Variants in PTPRD observed in about 807,000 individuals in gnomAD.
The protein encoded by PTPRD is protein tyrosine phosphatase receptor type D.
In PTPRD, 34 loss-of-function variants were observed where a neutral mutation model predicts 214.5. The ratio of observed to expected loss-of-function variants is 0.16; its 90% CI spans 0.12 to 0.21. PTPRD has a LOEUF of 0.21. Among genes scored for constraint, PTPRD ranks in the 10% least tolerant of loss-of-function variants. PTPRD has a pLI of 1.00. For synonymous variants in PTPRD, 1,128 were observed against 845.7 expected (o/e 1.33, Z -5.79); for missense variants, 2,545 against 2,398.7 (o/e 1.06, Z -1.27).
intron 8 of PTPRD, among the ~76,000 whole-genome samples, chr9:9,422,235 G>C (rs1018088632): frequency 6.6e-6 from 1 of 152,132 alleles, no homozygotes; most frequent in Admixed American, 6.6e-5. Context: ...AGGGCACAAA[G>C]AGGTTAAGTA....
At chr9:9,775,522 T>G (rs527346883) in intron 5 of PTPRD, among the ~76,000 whole-genome samples, 12 of 152,206 alleles carry the variant, frequency 7.9e-5, no homozygotes, top group Non-Finnish European at 1.5e-4. Flanking sequence ...AACTTTCTTC[T>G]GGAGAGAAGA....
intron 11 of PTPRD, among the ~76,000 whole-genome samples, chr9:8,927,217 T>C (rs938638162): frequency 1.3e-4 from 20 of 152,218 alleles, no homozygotes; most frequent in East Asian, 1.2e-3. Context: ...GTTTTTCTCA[T>C]ATTTATTTAT....
At chr9:8,622,460 A>G (rs2095852787) in intron 14 of PTPRD, among the ~76,000 whole-genome samples, 1 of 151,984 alleles carries the variant, frequency 6.6e-6, no homozygotes, top group Admixed American at 6.6e-5. Flanking sequence ...TGTAAGCTGA[A>G]TTACTGTGAG....
chr9:8,850,863 T>C (rs1485792221), intron 11 of PTPRD, among the ~76,000 whole-genome samples: 2 of 152,210 alleles, frequency 1.3e-5, no homozygotes, highest in Non-Finnish European at 2.9e-5. Flanking sequence ...ATACTCAAAA[T>C]GTCCCTTTAG....
chr9:10,172,841 T>C (rs2099218925), intron 3 of PTPRD, among the ~76,000 whole-genome samples: 1 of 152,182 alleles, frequency 6.6e-6, no homozygotes, highest in Non-Finnish European at 1.5e-5. Flanking sequence ...AACTGAAATG[T>C]ATATGGAATC....
At chr9:10,422,636 T>C (rs1321495914) in intron 2 of PTPRD, among the ~76,000 whole-genome samples, 1 of 151,966 alleles carries the variant, frequency 6.6e-6, no homozygotes, top group Non-Finnish European at 1.5e-5. Flanking sequence ...CATCAAAGAA[T>C]GGGCAAAGGA....
chr9:10,020,285 A>G (rs2096822957), intron 4 of PTPRD, among the ~76,000 whole-genome samples: 1 of 152,156 alleles, frequency 6.6e-6, no homozygotes, highest in Admixed American at 6.5e-5. Flanking sequence ...GTGTATATCA[A>G]TACAATATTA....
intron 3 of PTPRD, among the ~76,000 whole-genome samples, chr9:10,077,456 C>T (rs1183392866): frequency 6.6e-6 from 1 of 152,136 alleles, no homozygotes; most frequent in Non-Finnish European, 1.5e-5. Flanking sequence ...GATTAGGGCT[C>T]AGAATCTGTA....
chr9:9,311,601 A>G (rs1213772844), intron 9 of PTPRD, among the ~76,000 whole-genome samples: 1 of 152,180 alleles, frequency 6.6e-6, no homozygotes, highest in African/African-American at 2.4e-5. Flanking sequence ...ATTTAGAAGG[A>G]TGCTTTCTTG....
chr9:10,180,096 ATC>A (rs1177449307), intron 3 of PTPRD, among the ~76,000 whole-genome samples: 3 of 152,124 alleles, frequency 2.0e-5, no homozygotes, highest in Non-Finnish European at 2.9e-5. Flanking sequence ...TTAACCTTAC[ATC>A]ATCTATAATA....
chr9:10,167,021 C>T (rs1022697142), intron 3 of PTPRD, among the ~76,000 whole-genome samples: 7 of 151,988 alleles, frequency 4.6e-5, no homozygotes, highest in Admixed American at 4.6e-4. Context: ...TATTCACTTT[C>T]AGAATTGTTA....
intron 5 of PTPRD, among the ~76,000 whole-genome samples, chr9:9,779,939 A>G (rs546306630): frequency 6.6e-6 from 1 of 152,320 alleles, no homozygotes; most frequent in African/African-American, 2.4e-5. Context: ...TCATTATGCC[A>G]AAAAGACACA....
chr9:9,579,618 T>C (rs1436289592), intron 7 of PTPRD, among the ~76,000 whole-genome samples: 1 of 152,004 alleles, frequency 6.6e-6, no homozygotes, highest in Non-Finnish European at 1.5e-5. Context: ...CCCTAGTAAG[T>C]GTTGTTCCCC....
At chr9:9,325,522 T>C (rs973195873) in intron 9 of PTPRD, among the ~76,000 whole-genome samples, 1 of 152,150 alleles carries the variant, frequency 6.6e-6, no homozygotes, top group East Asian at 1.9e-4. Context: ...GGAATGCTTG[T>C]TATTTTTGCA....
intron 9 of PTPRD, among the ~76,000 whole-genome samples, chr9:9,352,355 ATATATGTGTGTGTGTG>A (rs1430407243): frequency 5.9e-4 from 64 of 107,712 alleles, no homozygotes; most frequent in Non-Finnish European, 1.0e-3. Context: ...GTGTGTGTGT[ATATATGTGTGTGTGTG>A]TATATATATA....
Position 9,445,013 on chromosome 9 carries a change from C to A in PTPRD, c.-236-47531G>T, listed in dbSNP as rs146686383. Among the ~76,000 whole-genome samples, 1,118 of 152,122 alleles carry A rather than the reference C, an allele frequency of 7.3e-3. 9 individuals are homozygous for A. The highest frequency in any genetic ancestry group is 0.026 in the African/African-American group (1,080 of 41,490). ...ATAGTGTTTTAAATTATTTCTTGAT[C>A]AAATTTTAAAAAAATGAGTGAGCAA... On this transcript the variant is annotated intron_variant, in intron 8 of 45. Transcript: ENST00000381196.
chr9:8,686,619 A>T (rs1163004828), intron 12 of PTPRD, among the ~76,000 whole-genome samples: 2 of 152,200 alleles, frequency 1.3e-5, no homozygotes, highest in Non-Finnish European at 2.9e-5. Flanking sequence ...ATGTTCACAT[A>T]GTTGCAACTG....
chr9:9,195,410 T>C (rs770151118), intron 9 of PTPRD, among the ~76,000 whole-genome samples: 15 of 152,066 alleles, frequency 9.9e-5, no homozygotes, highest in African/African-American at 2.2e-4. Context: ...ATCAACAGAA[T>C]ATCTCGTTTA....
At chr9:9,942,562 T>G (rs758394937) in intron 4 of PTPRD, among the ~76,000 whole-genome samples, 10 of 152,258 alleles carry the variant, frequency 6.6e-5, no homozygotes, top group Non-Finnish European at 1.3e-4. Context: ...TCAGATATAG[T>G]GCCCAATTTC....
Sources: allele counts gnomAD v4.1 joint callset (sites outside exome capture counted in the v4.1 genomes callset), GRCh38; gene constraint gnomAD v4.1.1; transcripts MANE v1.5; gene names NCBI Gene and HGNC (gene_info 2026-07-23, HGNC 2026-07-21).